The following CACNA1E variants were observed in gnomAD, a reference collection of about 807,000 sequenced individuals.
CACNA1E encodes calcium voltage-gated channel subunit alpha1 E, also known as voltage-dependent R-type calcium channel subunit alpha-1E.
A neutral mutation model predicts 259.2 loss-of-function variants in CACNA1E; 40 were observed. The ratio of observed to expected loss-of-function variants is 0.15; its 90% CI spans 0.12 to 0.20. The LOEUF (loss-of-function observed/expected upper bound fraction) is 0.20, where lower values mean the gene tolerates loss of function less well. Among genes scored for constraint, CACNA1E ranks in the 10% least tolerant of loss-of-function variants. The probability of loss-of-function intolerance (pLI) is 1.00; values close to 1 mark genes in which losing one functional copy is unlikely to be tolerated. For synonymous variants in CACNA1E, 1,104 were observed against 1,138.5 expected, an observed-to-expected ratio of 0.97 and a Z score of 0.61; for missense variants, 1,874 against 3,040.1, an observed-to-expected ratio of 0.62 and a Z score of 9.02.
At position 181,732,055 on chromosome 1, in the gene CACNA1E, G is replaced by T. The variant is rs938658336; in HGVS notation, c.2298-329G>T. On this transcript the variant is annotated intron_variant, in intron 19 of 47. Transcript: ENST00000367573. This position sits in a 1 kb window ranked among gnomAD's most constrained non-coding sequence, Gnocchi z 5.5. Reference sequence around the variant, plus strand: ...TGCCCCGAAAGCAAGGAGAGCAGGGGAGTGAAGACGTGGTAAGCCTGTGGA... The same window carrying T: ...TGCCCCGAAAGCAAGGAGAGCAGGGTAGTGAAGACGTGGTAAGCCTGTGGA... Among the ~76,000 whole-genome samples the T allele has an allele frequency of 2.0e-5, 3 of 151,904 alleles. No individual in the cohort carries two copies. The highest frequency in any genetic ancestry group is 7.3e-5 in the African/African-American group (3 of 41,354).
intron 1 of CACNA1E, among the ~76,000 whole-genome samples, chr1:181,352,456 A>G (rs1010383363): frequency 1.3e-5 from 2 of 152,254 alleles, no homozygotes; most frequent in Non-Finnish European, 2.9e-5. Flanking sequence ...CAAGTAAATA[A>G]GCAAAGAATA....
chr1:181,548,187 C>T (rs1025068575), intron 3 of CACNA1E, among the ~76,000 whole-genome samples: 12 of 144,536 alleles, frequency 8.3e-5, no homozygotes, highest in South Asian at 2.2e-4. Context: ...TGCAGTGGTG[C>T]GATCTCAGCT....
At position 181,369,410 on chromosome 1, in the gene CACNA1E, G is replaced by T. The variant is rs143488876; in HGVS notation, c.-14-43723G>T. Among the ~76,000 whole-genome samples, 499 of 152,366 alleles carry T rather than the reference G, an allele frequency of 3.3e-3. 2 individuals are homozygous for T. The highest frequency in any genetic ancestry group is 0.011 in the African/African-American group (473 of 41,578). On this transcript the variant is annotated intron_variant, in intron 1 of 11. Transcript: ENST00000524607. ...CTTGCTCTGGCTGTCAGAGTCCCCT[G>T]CGAGGGAAGCTAATTTTCTAGACAT...
intron 3 of CACNA1E, among the ~76,000 whole-genome samples, chr1:181,574,439 T>C (rs1292839101): frequency 6.6e-6 from 1 of 152,206 alleles, no homozygotes; most frequent in African/African-American, 2.4e-5. Context: ...AGGATTTCCT[T>C]GATGTTCTCT....
At chr1:181,760,412 T>C (rs1365506657) in intron 32 of CACNA1E, among the ~76,000 whole-genome samples, 1 of 152,244 alleles carries the variant, frequency 6.6e-6, no homozygotes, top group Admixed American at 6.5e-5. Context: ...GACTCTGAAA[T>C]AGGCATGGCA....
chr1:181,402,508 G>C (rs1240085354), intron 1 of CACNA1E, among the ~76,000 whole-genome samples: 1 of 152,224 alleles, frequency 6.6e-6, no homozygotes, highest in African/African-American at 2.4e-5. Context: ...GGCAGTCTGA[G>C]AGCTTGCTCT....
intron 6 of CACNA1E, among the ~76,000 whole-genome samples, chr1:181,584,663 C>A (rs2102996271): frequency 6.6e-6 from 1 of 152,286 alleles, no homozygotes; most frequent in East Asian, 1.9e-4. Flanking sequence ...TGAAAAACTA[C>A]CATTCTCTTT....
chr1:181,594,400 G>A (rs1652955309), intron 6 of CACNA1E, among the ~76,000 whole-genome samples: 1 of 152,104 alleles, frequency 6.6e-6, no homozygotes, highest in Admixed American at 6.5e-5. Flanking sequence ...CAGGCATTGG[G>A]TTATATTCAG....
At chr1:181,639,827 G>A (rs1268914457) in intron 6 of CACNA1E, among the ~76,000 whole-genome samples, 2 of 152,146 alleles carry the variant, frequency 1.3e-5, no homozygotes, top group Non-Finnish European at 2.9e-5. Flanking sequence ...TTTCTAGGAG[G>A]GCAGCAGGAG....
intron 1 of CACNA1E, among the ~76,000 whole-genome samples, chr1:181,393,766 C>T (rs1557967468): frequency 6.6e-6 from 1 of 152,200 alleles, no homozygotes. Context: ...CCAAGAAGGA[C>T]TGGTGATCTT....
chr1:181,585,925 T>C (rs1402911456), intron 6 of CACNA1E, among the ~76,000 whole-genome samples: 1 of 152,102 alleles, frequency 6.6e-6, no homozygotes, highest in Non-Finnish European at 1.5e-5. Context: ...GGGAAAGCAA[T>C]GGAGGGTTTT....
intron 12 of CACNA1E, among the ~76,000 whole-genome samples, chr1:181,718,947 T>C (rs888607427): frequency 2.6e-5 from 4 of 152,168 alleles, no homozygotes; most frequent in Non-Finnish European, 5.9e-5. Context: ...CTGAACCACT[T>C]CTCTTTCTGT....
chr1:181,615,571 T>C (rs767358246), intron 6 of CACNA1E, among the ~76,000 whole-genome samples: 6 of 152,244 alleles, frequency 3.9e-5, no homozygotes, highest in Non-Finnish European at 7.3e-5. Flanking sequence ...TTGTTGCCAG[T>C]ATATAAATAT....
At chr1:181,357,335 G>T (rs960431072) in intron 1 of CACNA1E, among the ~76,000 whole-genome samples, 2 of 152,082 alleles carry the variant, frequency 1.3e-5, no homozygotes, top group African/African-American at 4.8e-5. Flanking sequence ...CCTCAGGGGG[G>T]CATTTTGGGA....
At chr1:181,376,280 C>G (rs1399671920) in intron 1 of CACNA1E, among the ~76,000 whole-genome samples, 2 of 152,076 alleles carry the variant, frequency 1.3e-5, no homozygotes, top group Admixed American at 6.5e-5. Flanking sequence ...TTGTTGTTTG[C>G]CTTCAAATAA....
Position 181,785,744 on chromosome 1 carries a change from C to T in CACNA1E, c.5711C>T (p.Pro1904Leu), listed in dbSNP as rs191359537. The part of the protein sequence containing the change: ...KNAPMFQRME[P>L]SSLPQEIIAN... ...GCCCCCATGTTCCAGCGCATGGAGC[C>T]TTCATCTCTGCCTCAGGAGATCATT... is the stretch of plus-strand genomic sequence containing the variant. The change falls in exon 43 of 48, where the codon CCT becomes CTT. Residue 1904 changes from proline (P) to leucine (L), a missense_variant. Pro to Leu is a moderately conservative substitution (Grantham distance 98, BLOSUM62 -3). Around this residue, in one of 14 missense-constraint regions of CACNA1E, gnomAD observed 542 missense variants for 587.2 expected, o/e 0.92. Coordinates refer to ENST00000367573, the MANE Select transcript of CACNA1E (RefSeq NM_001205293.3). The T allele has an allele frequency of 1.3e-4, 203 of 1,613,350 alleles. 1 individual carries two copies. In the African/African-American group the frequency reaches 2.5e-3, roughly 20 times the overall value.
At chr1:181,435,193 T>C (rs1419102588) in intron 2 of CACNA1E, among the ~76,000 whole-genome samples, 1 of 152,236 alleles carries the variant, frequency 6.6e-6, no homozygotes, top group Non-Finnish European at 1.5e-5. Context: ...AGTTGTTAAA[T>C]GTTTACCAGC....
At chr1:181,620,061 A>T (rs1655588041) in intron 6 of CACNA1E, among the ~76,000 whole-genome samples, 1 of 152,214 alleles carries the variant, frequency 6.6e-6, no homozygotes, top group Non-Finnish European at 1.5e-5. Context: ...TTTTAAGACC[A>T]TGAGAATTAG....
chr1:181,495,027 C>T (rs1558053333), intron 1 of CACNA1E, among the ~76,000 whole-genome samples: 1 of 152,214 alleles, frequency 6.6e-6, no homozygotes, highest in Non-Finnish European at 1.5e-5. Context: ...TCAGTACACA[C>T]TTTCATGACT....
Sources: gnomAD v4.1 joint callset for allele counts (sites outside exome capture counted in the v4.1 genomes callset) on GRCh38, gnomAD v4.1.1 for gene constraint, gnomAD v4.1.1 regional missense constraint, Gnocchi (gnomAD v3.1) non-coding constraint, MANE v1.5 for transcripts, NCBI Gene and HGNC (gene_info 2026-07-23, HGNC 2026-07-21) for gene names.